The following CC2D2B variants were observed in gnomAD, a reference collection of about 807,000 sequenced individuals.
CC2D2B encodes the protein protein CC2D2B.
In CC2D2B, 128 loss-of-function variants were observed where a neutral mutation model predicts 161.2. That is an observed-to-expected ratio of 0.79 (90% confidence interval 0.69 to 0.92). The LOEUF is 0.92. Ranked by LOEUF, CC2D2B falls within the 40% of genes least tolerant of loss-of-function variation. The pLI is 0.00. For missense variants in CC2D2B, 1,173 were observed against 1,375.1 expected (o/e 0.85, Z 2.32); for synonymous variants, 391 against 449.8 (o/e 0.87, Z 1.65).
intron 20 of CC2D2B, 92 bp downstream of exon 20, chr10:95,988,434 G>C (rs985974519): frequency 1.0e-5 from 5 of 490,964 alleles, no homozygotes; most frequent in African/African-American, 1.0e-4. Flanking sequence ...CAGAGAGTCA[G>C]ATGGACGAAT....
chr10:95,991,781 G>C (rs909394825), intron 21 of CC2D2B, among the ~76,000 whole-genome samples: 6 of 152,208 alleles, frequency 3.9e-5, no homozygotes, highest in Non-Finnish European at 8.8e-5. Flanking sequence ...CCTGTCCTGA[G>C]ACTGCTATAG....
chr10:95,984,118 C>G (rs1172345267), intron 19 of CC2D2B, among the ~76,000 whole-genome samples: 1 of 152,058 alleles, frequency 6.6e-6, no homozygotes, highest in Non-Finnish European at 1.5e-5. Context: ...TTAAAAGCGG[C>G]TTTGGGAGTA....
rs2079369632 is a variant in CC2D2B at position 96,019,682 on chromosome 10, T to C, written c.3766-20T>C. 2 of 1,558,772 alleles carry C rather than the reference T, an allele frequency of 1.3e-6. No individual in the cohort carries two copies. The highest frequency in any genetic ancestry group is 2.4e-5 in the South Asian group (2 of 81,710). ...GTGTTCCTATGGACCTACACTAATGTTATATTAATGTTTTCATAGGTCTGG... is the reference window on the plus strand; with the variant it reads ...GTGTTCCTATGGACCTACACTAATGCTATATTAATGTTTTCATAGGTCTGG... On this transcript the variant is annotated intron_variant, in intron 31 of 34. Coordinates refer to ENST00000646931, the MANE Select transcript of CC2D2B (RefSeq NM_001349008.3).
Position 95,938,202 on chromosome 10 carries a change from C to T in CC2D2B, c.535+13C>T, listed in dbSNP as rs1331141612. The T allele has an allele frequency of 1.3e-6, 2 of 1,511,300 alleles. No individual in the cohort carries two copies. Among genetic ancestry groups the T allele is most frequent in the African/African-American group, 2.8e-5 (2 of 72,112 alleles). The allele number at this position is 1,511,300 out of a possible 1,614,324, so 93.6% of individuals were successfully genotyped here. ...AGTAGTTCTCCAGGTAACATTCTTTCCCAGTAAAATATTCAAGTCATTAAC... is the reference window on the plus strand; with the variant it reads ...AGTAGTTCTCCAGGTAACATTCTTTTCCAGTAAAATATTCAAGTCATTAAC... On this transcript the variant is annotated intron_variant, in intron 7 of 34. Coordinates refer to ENST00000646931, the MANE Select transcript of CC2D2B (RefSeq NM_001349008.3).
intron 11 of CC2D2B, among the ~76,000 whole-genome samples, chr10:95,960,482 G>A (rs1025012196): frequency 6.6e-6 from 1 of 151,854 alleles, no homozygotes; most frequent in Non-Finnish European, 1.5e-5. Context: ...AGGCTGTACT[G>A]AGGAAGTGAT....
chr10:95,922,338 A>G (rs2141164177), intron 3 of CC2D2B, among the ~76,000 whole-genome samples: 1 of 152,340 alleles, frequency 6.6e-6, no homozygotes, highest in South Asian at 2.1e-4. Context: ...TTAGACCACA[A>G]AGATACATAG....
At chr10:95,927,529 A>C (rs753505922) in intron 6 of CC2D2B, among the ~76,000 whole-genome samples, 197 bp downstream of exon 6, 1 of 152,150 alleles carries the variant, frequency 6.6e-6, no homozygotes, top group Non-Finnish European at 1.5e-5. Context: ...AGTGATTACT[A>C]AGTTTTTAAC....
chr10:95,958,165 G>T (rs1208481482), intron 11 of CC2D2B, among the ~76,000 whole-genome samples: 3 of 151,562 alleles, frequency 2.0e-5, no homozygotes, highest in Admixed American at 2.0e-4. Context: ...AAGATGTCAA[G>T]AAAGTCAAGA....
intron 2 of CC2D2B, chr10:95,919,990 T>G (rs2098523664): frequency 6.6e-6 from 1 of 151,882 alleles, no homozygotes; most frequent in South Asian, 2.1e-4. Context: ...TGATGTTTAT[T>G]CAAGGCCCAA....
intron 26 of CC2D2B, among the ~76,000 whole-genome samples, chr10:96,011,043 C>T (rs1043360613): frequency 5.3e-5 from 8 of 152,180 alleles, no homozygotes; most frequent in Non-Finnish European, 8.8e-5. Context: ...AAATGGCTGC[C>T]ATCGTATACC....
chr10:95,922,065 A>G lies in CC2D2B; in HGVS notation c.86A>G (p.His29Arg), dbSNP rs1455313865. 4 of 1,528,722 alleles carry G rather than the reference A, an allele frequency of 2.6e-6. No individual in the cohort carries two copies. The highest frequency in any genetic ancestry group is 2.4e-5 in the South Asian group (2 of 82,502). The allele number at this position is 1,528,722 out of a possible 1,614,324, so 94.7% of individuals were successfully genotyped here. Residue 29 changes from histidine (H) to arginine (R), a missense_variant, in exon 3 of 35, where the codon CAT becomes CGT. His to Arg is a conservative substitution (Grantham distance 29, BLOSUM62 0). Transcript: ENST00000646931. The part of the protein sequence containing the change: ...NITAEEIIDK[H>R]LQKDLDAEEN... ...ACAGCTGAAGAAATTATAGACAAGC[A>G]TCTCCAAAAAGGTTCTCAATAAGTA...
At chr10:95,914,071 C>A (rs955126718) in intron 2 of CC2D2B, among the ~76,000 whole-genome samples, 1 of 152,056 alleles carries the variant, frequency 6.6e-6, no homozygotes, top group African/African-American at 2.4e-5. Flanking sequence ...CCCAATTTTT[C>A]TTTTAGTAGT....
intron 16 of CC2D2B, among the ~76,000 whole-genome samples, chr10:95,972,453 A>G (rs2077169197): frequency 6.6e-6 from 1 of 152,104 alleles, no homozygotes; most frequent in South Asian, 2.1e-4. Flanking sequence ...AGCTGGGATT[A>G]CAGATCCCTG....
At chr10:96,030,394 G>C (rs1423931959) in intron 34 of CC2D2B, among the ~76,000 whole-genome samples, 1 of 151,990 alleles carries the variant, frequency 6.6e-6, no homozygotes, top group East Asian at 1.9e-4. Flanking sequence ...TGGCCCAGTG[G>C]GTTTTTGAAA....
chr10:96,007,751 T>A (rs558427507), intron 25 of CC2D2B, among the ~76,000 whole-genome samples: 1 of 152,226 alleles, frequency 6.6e-6, no homozygotes, highest in African/African-American at 2.4e-5. Context: ...TTCCCTAGAT[T>A]CTCTGGCCTT....
chr10:95,913,296 C>CT (rs1046035756), intron 2 of CC2D2B: 29 of 181,608 alleles, frequency 1.6e-4, no homozygotes, highest in Non-Finnish European at 2.5e-4. Context: ...GGATCTCATT[C>CT]TTTTTTTTAT....
At chr10:96,008,569 A>C (rs1445234912) in intron 25 of CC2D2B, among the ~76,000 whole-genome samples, 1 of 152,100 alleles carries the variant, frequency 6.6e-6, no homozygotes, top group African/African-American at 2.4e-5. Flanking sequence ...CACTTGGTCA[A>C]ACTTTTAAAC....
intron 22 of CC2D2B, chr10:95,993,139 T>G (rs2078020426): frequency 1.3e-5 from 2 of 155,784 alleles, no homozygotes; most frequent in Non-Finnish European, 2.9e-5. Flanking sequence ...TTGCTACAGT[T>G]ACACCCTGCT....
intron 5 of CC2D2B, among the ~76,000 whole-genome samples, chr10:95,926,286 C>A (rs937476637): frequency 3.9e-5 from 6 of 152,060 alleles, no homozygotes; most frequent in African/African-American, 1.4e-4. Flanking sequence ...CTAAGAAACA[C>A]GATCCCAATT....
Sources: allele counts gnomAD v4.1 joint callset (sites outside exome capture counted in the v4.1 genomes callset), GRCh38; gene constraint gnomAD v4.1.1; transcripts MANE v1.5; gene names NCBI Gene and HGNC (gene_info 2026-07-23, HGNC 2026-07-21).